ITPR2: variants seen among roughly 807,000 people sequenced by gnomAD.
ITPR2 encodes inositol 1,4,5-trisphosphate-gated calcium channel ITPR2.
Under a neutral mutation model 317.1 loss-of-function variants are expected in ITPR2, and 207 were observed. The observed-to-expected ratio is 0.65, with a 90% CI of 0.58 to 0.73. ITPR2 has a LOEUF of 0.73. Among genes scored for constraint, ITPR2 ranks in the 30% least tolerant of loss-of-function variants. The pLI is 0.00. For synonymous variants in ITPR2, 1,156 were observed against 1,149.1 expected, an observed-to-expected ratio of 1.01 and a Z score of -0.12; for missense variants, 2,613 against 3,284.0, an observed-to-expected ratio of 0.80 and a Z score of 4.99.
intron 1 of ITPR2, among the ~76,000 whole-genome samples, chr12:26,824,374 C>T (rs146905084): frequency 1.5e-3 from 235 of 152,268 alleles, no homozygotes; most frequent in African/African-American, 5.2e-3. Context: ...ACATTTACTA[C>T]ATGAGTTAAA....
At chr12:26,603,976 C>A (rs572092617) in intron 26 of ITPR2, among the ~76,000 whole-genome samples, 2 of 152,228 alleles carry the variant, frequency 1.3e-5, no homozygotes, top group South Asian at 4.1e-4. Context: ...AAACTCCTGA[C>A]TATAATGATG....
chr12:26,641,160 T>G lies in ITPR2; in HGVS notation c.2741-9101A>C, dbSNP rs187426996. Among the ~76,000 whole-genome samples, 362 of 152,168 alleles carry G rather than the reference T, an allele frequency of 2.4e-3. 3 individuals carry two copies. The highest frequency in any genetic ancestry group is 3.5e-3 in the Non-Finnish European group (241 of 68,000). ...TTAGCTTCAAGAGATCTTTAGCTGG[T>G]AAAACTTTTAAGACTTGCAATTGAA... On this transcript the variant is annotated intron_variant, in intron 21 of 56. Transcript: ENST00000381340.
Position 26,722,473 on chromosome 12 carries a change from G to A in ITPR2, c.449C>T (p.Ser150Phe). The A allele has an allele frequency of 6.2e-7, 1 of 1,613,152 alleles. No individual in the cohort carries two copies. The highest frequency in any genetic ancestry group is 8.5e-7 in the Non-Finnish European group (1 of 1,179,448). ...CCCTTCATTTCCTGCAGCATCCAAG[G>A]ACACACGCATGGCATTCTTCTCCAG... ...ALLEKNAMRV[S>F]LDAAGNEGSW... is the part of the protein sequence containing the mutation. Residue 150 changes from serine to phenylalanine, a missense_variant, in exon 5 of 57, where the codon TCC becomes TTC. By Grantham distance (155) the Ser-to-Phe change is radical (BLOSUM62 -2). Coordinates refer to ENST00000381340, the MANE Select transcript of ITPR2 (RefSeq NM_002223.4).
At chr12:26,646,616 G>T (rs1350494643) in intron 21 of ITPR2, among the ~76,000 whole-genome samples, 2 of 152,098 alleles carry the variant, frequency 1.3e-5, no homozygotes, top group Admixed American at 1.3e-4. Context: ...GCCCTACCCT[G>T]GGTTGGGTCC....
intron 13 of ITPR2, among the ~76,000 whole-genome samples, chr12:26,677,414 A>T (rs1947933872): frequency 6.6e-6 from 1 of 152,130 alleles, no homozygotes; most frequent in Admixed American, 6.5e-5. Context: ...AGCCTGGGCA[A>T]CACGGCGAAA....
At chr12:26,355,932 TA>T (rs2136567626) in intron 55 of ITPR2, among the ~76,000 whole-genome samples, 1 of 152,330 alleles carries the variant, frequency 6.6e-6, no homozygotes, top group South Asian at 2.1e-4. Context: ...GCATTCAGAC[TA>T]AACTTTCCCA....
At chr12:26,683,566 G>A (rs1269145764) in intron 11 of ITPR2, among the ~76,000 whole-genome samples, 1 of 152,158 alleles carries the variant, frequency 6.6e-6, no homozygotes, top group Non-Finnish European at 1.5e-5. Context: ...AATCAGCAAC[G>A]TACATTAAAT....
intron 2 of ITPR2, among the ~76,000 whole-genome samples, chr12:26,747,831 G>A (rs184083643): frequency 6.6e-6 from 1 of 152,112 alleles, no homozygotes; most frequent in African/African-American, 2.4e-5. Flanking sequence ...CCAGTCTCAC[G>A]TCATTATTTC....
chr12:26,745,373 C>A (rs1298311794), intron 2 of ITPR2, among the ~76,000 whole-genome samples: 2 of 152,232 alleles, frequency 1.3e-5, no homozygotes, highest in African/African-American at 2.4e-5. Context: ...AAAAGCAACC[C>A]TTTGCACCAC....
chr12:26,411,123 G>A (rs112069512), intron 52 of ITPR2, 197 bp downstream of exon 52: 90 of 526,786 alleles, frequency 1.7e-4, no homozygotes, highest in African/African-American at 1.5e-3. Context: ...ACAATATAAC[G>A]AACAGGAGAG....
intron 32 of ITPR2, among the ~76,000 whole-genome samples, chr12:26,581,296 C>T (rs1945397900): frequency 6.6e-6 from 1 of 152,082 alleles, no homozygotes; most frequent in East Asian, 1.9e-4. Flanking sequence ...CCAGCATTTG[C>T]CAAATGGAGG....
At chr12:26,703,482 G>A (rs190809894) in intron 9 of ITPR2, among the ~76,000 whole-genome samples, 435 of 152,198 alleles carry the variant, frequency 2.9e-3, no homozygotes, top group Non-Finnish European at 4.9e-3. Flanking sequence ...TCTTGAACCC[G>A]ATAATTCTTT....
chr12:26,632,015 T>A lies in ITPR2; in HGVS notation c.2785A>T (p.Thr929Ser), dbSNP rs1490190055. 1 of 1,601,294 alleles carries A rather than the reference T, an allele frequency of 6.2e-7. No individual in the cohort carries two copies. The highest frequency in any genetic ancestry group is 1.3e-5 in the African/African-American group (1 of 74,226). The change falls in exon 22 of 57, where the codon ACC becomes TCC. Residue 929 changes from threonine to serine, a missense_variant. Thr to Ser is a moderately conservative substitution (Grantham distance 58, BLOSUM62 1). This residue lies in a region of ITPR2 where 817 missense variants were observed against 897.6 expected (regional missense o/e 0.91). Transcript: ENST00000381340. ...GAGCCTCTACTGAGTACCATCTGGG[T>A]CATCATCTCTCCCACCCCATGAATG... ...RTIHGVGEMM[T>S]QMVLSRGSIF...
intron 54 of ITPR2, among the ~76,000 whole-genome samples, chr12:26,391,606 C>G (rs1939851268): frequency 3.0e-5 from 4 of 131,844 alleles, no homozygotes; most frequent in African/African-American, 1.2e-4. Context: ...GCTCTGTCAC[C>G]CAGGCTGGAG....
chr12:26,653,802 G>A (rs530165931), intron 21 of ITPR2, among the ~76,000 whole-genome samples, 174 bp downstream of exon 21: 3 of 152,328 alleles, frequency 2.0e-5, no homozygotes, highest in East Asian at 3.9e-4. Context: ...ATTATAAACA[G>A]AGATGCATGT....
intron 1 of ITPR2, among the ~76,000 whole-genome samples, chr12:26,796,216 A>G (rs781725440): frequency 3.9e-5 from 6 of 152,232 alleles, no homozygotes; most frequent in Non-Finnish European, 7.3e-5. Context: ...AAACTAGAAT[A>G]TATTTGCTAC....
At chr12:26,527,178 A>G (rs1435002442) in intron 37 of ITPR2, among the ~76,000 whole-genome samples, 3 of 152,190 alleles carry the variant, frequency 2.0e-5, no homozygotes, top group African/African-American at 7.2e-5. Context: ...CATGTAATCC[A>G]CTTAGCAGGT....
At chr12:26,556,795 C>T (rs1424139167) in intron 35 of ITPR2, among the ~76,000 whole-genome samples, 3 of 105,558 alleles carry the variant, frequency 2.8e-5, no homozygotes, top group African/African-American at 3.1e-5. Flanking sequence ...AAAAAAAATT[C>T]CAGCCAGGTG....
At chr12:26,526,395 C>G (rs1419378444) in intron 37 of ITPR2, among the ~76,000 whole-genome samples, 3 of 152,048 alleles carry the variant, frequency 2.0e-5, no homozygotes, top group Non-Finnish European at 4.4e-5. Context: ...AAATGCAAAA[C>G]CTCTAAACAG....
Sources: allele counts gnomAD v4.1 joint callset (sites outside exome capture counted in the v4.1 genomes callset), GRCh38; gene constraint gnomAD v4.1.1; regional missense constraint gnomAD v4.1.1; transcripts MANE v1.5; gene names NCBI Gene and HGNC (gene_info 2026-07-23, HGNC 2026-07-21).